The following RGS6 variants were observed in gnomAD, a reference collection of about 807,000 sequenced individuals.
The protein encoded by RGS6 is regulator of G-protein signaling 6.
In RGS6, 30 loss-of-function variants were observed where a neutral mutation model predicts 78.5. The ratio of observed to expected loss-of-function variants is 0.38; its 90% confidence interval spans 0.29 to 0.52. RGS6 has a LOEUF of 0.52. Ranked by LOEUF, RGS6 falls within the 20% of genes least tolerant of loss-of-function variation. The pLI, the probability that RGS6 is intolerant of heterozygous loss-of-function variation, is 0.85. For synonymous variants in RGS6, 206 were observed against 206.0 expected (o/e 1.00, Z 0.00); for missense variants, 495 against 609.7 (o/e 0.81, Z 1.98).
At chr14:72,581,632 C>T in the RGS6 span, among the ~76,000 whole-genome samples, 1 of 152,206 alleles carries the variant, frequency 6.6e-6, no homozygotes, top group Non-Finnish European at 1.5e-5. Context: ...ACTGAAACTA[C>T]CCCTGGTGTC....
At chr14:72,280,631 C>T (rs2061415672) in intron 2 of RGS6, among the ~76,000 whole-genome samples, 1 of 152,258 alleles carries the variant, frequency 6.6e-6, no homozygotes, top group Non-Finnish European at 1.5e-5. Flanking sequence ...ACAATGTCCT[C>T]ATTCTCGTGG....
intron 17 of RGS6, chr14:72,541,124 A>T (rs767522376): frequency 7.3e-6 from 10 of 1,366,340 alleles, no homozygotes; most frequent in Admixed American, 1.9e-5. Context: ...GGTCCCATGC[A>T]GGGAGCTGGC....
chr14:72,252,690 A>G (rs1355081747), intron 2 of RGS6, among the ~76,000 whole-genome samples: 1 of 152,218 alleles, frequency 6.6e-6, no homozygotes, highest in South Asian at 2.1e-4. Flanking sequence ...TTCTCAATCT[A>G]TGTCTACTCA....
At chr14:72,349,693 C>T (rs1412403753) in intron 2 of RGS6, among the ~76,000 whole-genome samples, 1 of 152,134 alleles carries the variant, frequency 6.6e-6, no homozygotes, top group Non-Finnish European at 1.5e-5. Context: ...AAAAGGACCT[C>T]TTTAGTAAAT....
intron 2 of RGS6, among the ~76,000 whole-genome samples, chr14:72,259,694 T>G (rs1466076913): frequency 6.7e-6 from 1 of 149,254 alleles, no homozygotes; most frequent in East Asian, 2.0e-4. Context: ...GATCACGAGG[T>G]CAGGAGATCG....
At chr14:72,138,663 C>T (rs1223925249) in intron 2 of RGS6, among the ~76,000 whole-genome samples, 1 of 151,898 alleles carries the variant, frequency 6.6e-6, no homozygotes, top group Non-Finnish European at 1.5e-5. Flanking sequence ...TACAGTGACT[C>T]CCCATCACTC....
At chr14:72,017,809 A>T (rs1021241138) in intron 2 of RGS6, among the ~76,000 whole-genome samples, 3 of 151,858 alleles carry the variant, frequency 2.0e-5, no homozygotes, top group Non-Finnish European at 2.9e-5. Context: ...TCCAGGGTAC[A>T]TGTGCAGGAT....
intron 15 of RGS6, among the ~76,000 whole-genome samples, chr14:72,530,415 T>TG (rs2153484098): frequency 6.6e-6 from 1 of 152,300 alleles, no homozygotes; most frequent in African/African-American, 2.4e-5. Context: ...TGGCTGGGTG[T>TG]GGTGGCTCAT....
chr14:72,442,462 G>A (rs573268458), intron 3 of RGS6, among the ~76,000 whole-genome samples: 5 of 152,122 alleles, frequency 3.3e-5, no homozygotes, highest in Non-Finnish European at 5.9e-5. Context: ...TCCCCTGTCT[G>A]TGTCCCCATA....
the RGS6 span, among the ~76,000 whole-genome samples, chr14:71,869,314 C>A: frequency 6.6e-6 from 1 of 152,106 alleles, no homozygotes; most frequent in African/African-American, 2.4e-5. Flanking sequence ...TGCATTATAC[C>A]AACAAGTGAT....
intron 3 of RGS6, among the ~76,000 whole-genome samples, chr14:72,381,139 A>G (rs2085971248): frequency 6.6e-6 from 1 of 152,090 alleles, no homozygotes; most frequent in Non-Finnish European, 1.5e-5. Flanking sequence ...AGTAGAAAGT[A>G]GAGCAGAGGA....
intron 2 of RGS6, among the ~76,000 whole-genome samples, chr14:72,323,981 A>C (rs911750272): frequency 1.3e-5 from 2 of 152,018 alleles, no homozygotes; most frequent in Non-Finnish European, 2.9e-5. Flanking sequence ...TGTAATCATC[A>C]CATTAGGGTA....
chr14:71,955,152 T>C (rs1242976715), intron 1 of RGS6, among the ~76,000 whole-genome samples: 2 of 152,314 alleles, frequency 1.3e-5, no homozygotes, highest in East Asian at 3.9e-4. Context: ...TCTCCTCTCT[T>C]GACTTTAGGT....
At chr14:72,253,779 G>A (rs572071383) in intron 2 of RGS6, among the ~76,000 whole-genome samples, 51 of 152,226 alleles carry the variant, frequency 3.4e-4, no homozygotes, top group African/African-American at 1.2e-3. Context: ...GCTGAGCATC[G>A]GCCAACCTAT....
chr14:72,541,581 C>T (rs1293339154), intron 17 of RGS6: 32 of 1,535,570 alleles, frequency 2.1e-5, no homozygotes, highest in Non-Finnish European at 2.5e-5. Flanking sequence ...AGAGTCAAGG[C>T]TTCTGGGACT....
the RGS6 span, among the ~76,000 whole-genome samples, chr14:71,923,019 A>T: frequency 1.3e-5 from 2 of 152,232 alleles, no homozygotes; most frequent in African/African-American, 4.8e-5. Context: ...ACATGGCAGG[A>T]CTAAGGAGAA....
At chr14:72,441,960 T>C (rs1004138680) in intron 3 of RGS6, among the ~76,000 whole-genome samples, 1 of 152,122 alleles carries the variant, frequency 6.6e-6, no homozygotes, top group Non-Finnish European at 1.5e-5. Context: ...GCAGGAAAGG[T>C]GCACTCATAG....
intron 2 of RGS6, among the ~76,000 whole-genome samples, chr14:72,112,256 C>T (rs1348862486): frequency 1.3e-5 from 2 of 152,170 alleles, no homozygotes; most frequent in Non-Finnish European, 2.9e-5. Flanking sequence ...TCTCTTTGTT[C>T]CTATACCACT....
At chr14:72,136,909 G>T (rs1385547515) in intron 2 of RGS6, among the ~76,000 whole-genome samples, 1 of 152,162 alleles carries the variant, frequency 6.6e-6, no homozygotes, top group African/African-American at 2.4e-5. Context: ...GCTAATTTGA[G>T]AACCTACTCC....
Sources: gnomAD v4.1 joint callset for allele counts (sites outside exome capture counted in the v4.1 genomes callset) on GRCh38, gnomAD v4.1.1 for gene constraint, MANE v1.5 for transcripts, NCBI Gene and HGNC (gene_info 2026-07-23, HGNC 2026-07-21) for gene names.